The following AGBL1 variants were observed in gnomAD, a reference collection of about 807,000 sequenced individuals.
AGBL1 encodes cytosolic carboxypeptidase 4.
A neutral mutation model predicts 118.9 loss-of-function variants in AGBL1; 130 were observed. The observed-to-expected ratio is 1.09, with a 90% confidence interval of 0.95 to 1.26. AGBL1 has a LOEUF of 1.26. Ranked by LOEUF, AGBL1 falls within the 50% of genes most tolerant of loss-of-function variation. The pLI, the probability that AGBL1 is intolerant of heterozygous loss-of-function variation, is 0.00. For synonymous variants in AGBL1, 555 were observed against 478.9 expected, an observed-to-expected ratio of 1.16 and a Z score of -2.08; for missense variants, 1,584 against 1,298.1, an observed-to-expected ratio of 1.22 and a Z score of -3.38.
chr15:86,479,741 A>G (rs981826734), intron 18 of AGBL1, among the ~76,000 whole-genome samples: 9 of 152,204 alleles, frequency 5.9e-5, no homozygotes, highest in Non-Finnish European at 7.3e-5. Flanking sequence ...CTGGGTATAT[A>G]CCCAAAAGAT....
chr15:86,382,700 T>C (rs1285412384), intron 17 of AGBL1, among the ~76,000 whole-genome samples: 1 of 151,994 alleles, frequency 6.6e-6, no homozygotes, highest in East Asian at 1.9e-4. Flanking sequence ...CTTTTTATTT[T>C]TCTCTGATTT....
chr15:86,446,343 C>G (rs2082121065), intron 18 of AGBL1, among the ~76,000 whole-genome samples: 1 of 152,234 alleles, frequency 6.6e-6, no homozygotes, highest in African/African-American at 2.4e-5. Context: ...ACGCACTGCT[C>G]TGGTGTTGCA....
chr15:86,917,785 AGAGAG>A (rs1239181053), downstream of AGBL1, among the ~76,000 whole-genome samples: 2 of 129,044 alleles, frequency 1.5e-5, no homozygotes, highest in East Asian at 2.0e-4. The surrounding 1 kb of genome is among the most constrained non-coding windows in gnomAD (Gnocchi z 4.8). Context: ...AGAAGGAGAG[AGAGAG>A]AAGAGAGAGG....
intron 16 of AGBL1, among the ~76,000 whole-genome samples, chr15:86,280,988 T>A (rs1246174408): frequency 1.3e-5 from 2 of 152,224 alleles, no homozygotes; most frequent in Admixed American, 1.3e-4. Context: ...CCACATTTGT[T>A]ATAAAACATG....
At chr15:86,632,571 G>A (rs555496630) in intron 21 of AGBL1, among the ~76,000 whole-genome samples, 93 of 151,932 alleles carry the variant, frequency 6.1e-4, no homozygotes, top group Non-Finnish European at 1.2e-3. Context: ...GTCTCATCAA[G>A]ATTCTCAGAT....
At chr15:86,853,439 C>T (rs2141463639) in intron 22 of AGBL1, among the ~76,000 whole-genome samples, 1 of 152,254 alleles carries the variant, frequency 6.6e-6, no homozygotes, top group Admixed American at 6.5e-5. Context: ...ATCCTCACAG[C>T]AATCTTAGGA....
intron 20 of AGBL1, among the ~76,000 whole-genome samples, chr15:86,552,324 T>C (rs1291674145): frequency 1.3e-5 from 2 of 151,864 alleles, no homozygotes; most frequent in East Asian, 3.9e-4. Flanking sequence ...TTTATTTTTT[T>C]TAAAAAAGAG....
Position 86,159,012 on chromosome 15 carries a change from C to T in AGBL1, c.474C>T (p.Arg158=), listed in dbSNP as rs2077230837. The change falls in exon 5 of 23, where the codon CGC becomes CGT. Residue 158 remains arginine (R), a synonymous_variant. Coordinates refer to ENST00000614907, the MANE Select transcript of AGBL1 (RefSeq NM_001386094.1). ...TTATTACTCCTTACACCCGAAAGCG[C>T]ACCCAAGCAATCAGGTACAGAGTGC... The part of the protein sequence containing the change: ...FKVITPYTRK[R]TQAIRAATEV... The T allele has an allele frequency of 6.2e-7, 1 of 1,613,120 alleles. No homozygotes were observed. Among genetic ancestry groups the T allele is most frequent in the Admixed American group, 1.7e-5 (1 of 59,968 alleles).
At position 86,947,083 on chromosome 15, in the gene AGBL1, G is replaced by A. The variant is rs80119180; in HGVS notation, c.3222-40904G>A. On this transcript the variant is annotated intron_variant, in intron 23 of 24. Coordinates refer to the AGBL1 transcript ENST00000441037. ...TACCGACTTAATCAGCTAGAAACAC[G>A]AAGATCATCTCTGCTGCTTCTCTGA... 3.9e-3 allele frequency among the ~76,000 whole-genome samples: 599 copies of A among 152,262 alleles called. 8 individuals are homozygous for A. The highest frequency in any genetic ancestry group is 0.014 in the African/African-American group (570 of 41,558).
intron 1 of AGBL1, among the ~76,000 whole-genome samples, chr15:86,135,010 T>C (rs1442767471): frequency 6.6e-6 from 1 of 151,994 alleles, no homozygotes; most frequent in Non-Finnish European, 1.5e-5. Flanking sequence ...TGAACCCCAA[T>C]GTTGGAGTTG....
chr15:86,263,012 T>C (rs1293933178), intron 10 of AGBL1, 118 bp downstream of exon 10: 2 of 725,596 alleles, frequency 2.8e-6, no homozygotes, highest in Non-Finnish European at 4.7e-6. Context: ...GCCATATGCT[T>C]CTGGGCTCTT....
At chr15:86,956,869 T>A (rs955554) in intron 23 of AGBL1, among the ~76,000 whole-genome samples, 124,035 of 152,144 alleles carry the variant, frequency 0.82, 51,772 homozygotes, top group South Asian at 0.97. Context: ...GGAATAACAA[T>A]TAATATTTAC....
chr15:86,793,890 C>G (rs951273020), intron 22 of AGBL1, among the ~76,000 whole-genome samples: 4 of 152,108 alleles, frequency 2.6e-5, no homozygotes, highest in Non-Finnish European at 5.9e-5. Context: ...CAAATTAAAA[C>G]AACAATGAGA....
intron 5 of AGBL1, 55 bp from the exon 6 acceptor site, chr15:86,224,859 T>C: frequency 6.3e-7 from 1 of 1,579,182 alleles, no homozygotes; most frequent in Non-Finnish European, 8.7e-7. Flanking sequence ...GGGATCCATG[T>C]GCTGAGAAAA....
At chr15:86,110,493 A>AT (rs1422014273) in intron 1 of AGBL1, among the ~76,000 whole-genome samples, 7 of 152,100 alleles carry the variant, frequency 4.6e-5, no homozygotes, top group African/African-American at 1.7e-4. Context: ...CCTCATCTTT[A>AT]CTTTGAGTAG....
chr15:86,338,810 A>G (rs947875447), intron 17 of AGBL1, among the ~76,000 whole-genome samples: 1 of 152,104 alleles, frequency 6.6e-6, no homozygotes, highest in African/African-American at 2.4e-5. Context: ...GGACCATTGA[A>G]AAAGAGTCGT....
chr15:86,197,793 AG>A (rs2077838832), intron 5 of AGBL1, among the ~76,000 whole-genome samples: 1 of 152,178 alleles, frequency 6.6e-6, no homozygotes, highest in African/African-American at 2.4e-5. Flanking sequence ...CTTGGACTGA[AG>A]GGAATAGAGC....
At chr15:86,626,430 T>C (rs1201809841) in intron 21 of AGBL1, among the ~76,000 whole-genome samples, 1 of 152,142 alleles carries the variant, frequency 6.6e-6, no homozygotes, top group African/African-American at 2.4e-5. Context: ...CACAGCACGT[T>C]CTCACTTTAA....
chr15:86,982,131 A>G (rs2081237266), intron 23 of AGBL1, among the ~76,000 whole-genome samples: 3 of 152,182 alleles, frequency 2.0e-5, no homozygotes, highest in African/African-American at 4.8e-5. Flanking sequence ...CTCCCAAACT[A>G]GAAAAAGTTA....
Sources: allele counts gnomAD v4.1 joint callset (sites outside exome capture counted in the v4.1 genomes callset), GRCh38; gene constraint gnomAD v4.1.1; non-coding constraint Gnocchi (gnomAD v3.1); transcripts MANE v1.5; gene names NCBI Gene and HGNC (gene_info 2026-07-23, HGNC 2026-07-21).